RABGAP1: variants seen among roughly 807,000 people sequenced by gnomAD.
RABGAP1 encodes rab GTPase-activating protein 1.
In RABGAP1, 23 loss-of-function variants were observed where a neutral mutation model predicts 137.6. The observed-to-expected ratio is 0.17, with a 90% confidence interval of 0.12 to 0.24. RABGAP1 has a LOEUF of 0.24. RABGAP1 is among the 10% of genes least tolerant of loss of function. The probability of loss-of-function intolerance (pLI) is 1.00; values close to 1 mark genes in which losing one functional copy is unlikely to be tolerated. For missense variants in RABGAP1, 906 were observed against 1,275.8 expected (o/e 0.71, Z 4.42); for synonymous variants, 451 against 450.7 (o/e 1.00, Z -0.01).
intron 19 of RABGAP1, among the ~76,000 whole-genome samples, chr9:123,079,523 G>A (rs2034642241): frequency 6.6e-6 from 1 of 152,024 alleles, no homozygotes; most frequent in Non-Finnish European, 1.5e-5. Flanking sequence ...ACAGGTGTGA[G>A]CCACCACACC....
At chr9:122,998,132 C>T (rs1259469552) in intron 9 of RABGAP1, among the ~76,000 whole-genome samples, 1 of 151,920 alleles carries the variant, frequency 6.6e-6, no homozygotes, top group East Asian at 1.9e-4. Context: ...CAGAGTCTTA[C>T]TCTGTCATCC....
chr9:123,035,396 C>T lies in RABGAP1; in HGVS notation c.1794+14937C>T, dbSNP rs746359372. The T allele has an allele frequency of 1.9e-6, 3 of 1,614,002 alleles. No homozygotes were observed. The African/African-American group carries it at 4.0e-5, about 22-fold the overall frequency. On this transcript the variant is annotated intron_variant, in intron 13 of 25. Coordinates refer to ENST00000373647, the MANE Select transcript of RABGAP1 (RefSeq NM_012197.4). ...ATCATCTACTTCTTGTTGGAAAGCT[C>T]CACTGGCCACAGCAACCGCTTCGCA...
chr9:123,013,155 T>C (rs188938218), intron 11 of RABGAP1, among the ~76,000 whole-genome samples: 126 of 152,318 alleles, frequency 8.3e-4, no homozygotes, highest in African/African-American at 2.8e-3. Context: ...TTCTAATATT[T>C]TTGAAGAAAT....
chr9:123,005,302 T>C (rs1183011306), intron 10 of RABGAP1, among the ~76,000 whole-genome samples: 1 of 147,114 alleles, frequency 6.8e-6, no homozygotes, highest in African/African-American at 2.6e-5. Flanking sequence ...TTTTTTTTCC[T>C]TTTTTTTTTG....
At chr9:122,957,622 T>A (rs907944505) in intron 2 of RABGAP1, among the ~76,000 whole-genome samples, 2 of 152,168 alleles carry the variant, frequency 1.3e-5, no homozygotes, top group African/African-American at 4.8e-5. Context: ...TTTTTTTTTT[T>A]ATAATTTCTC....
chr9:122,996,278 T>G (rs1472295290), intron 7 of RABGAP1, 127 bp downstream of exon 7: 12 of 1,412,482 alleles, frequency 8.5e-6, no homozygotes, highest in African/African-American at 1.5e-5. Flanking sequence ...TTATTTTGTT[T>G]ACTGAAGTCA....
intron 13 of RABGAP1, among the ~76,000 whole-genome samples, chr9:123,022,358 G>T (rs1024250582): frequency 2.6e-5 from 4 of 152,108 alleles, no homozygotes; most frequent in African/African-American, 7.2e-5. Context: ...TGATTGATTT[G>T]TATATACTGG....
Position 123,020,360 on chromosome 9 carries a change from C to T in RABGAP1, c.1695C>T (p.Asn565=), listed in dbSNP as rs772050666. ...RPKQLSSLVR[N]GVPEALRGEV... Reference sequence around the variant, plus strand: ...AGCAGTTGTCATCCTTAGTAAGAAACGGTGTCCCTGAAGCTCTTCGAGGAG... The same window carrying T: ...AGCAGTTGTCATCCTTAGTAAGAAATGGTGTCCCTGAAGCTCTTCGAGGAG... The change falls in exon 13 of 26, where the codon AAC becomes AAT. Residue 565 remains asparagine (N), a synonymous_variant. Coordinates refer to ENST00000373647, the MANE Select transcript of RABGAP1 (RefSeq NM_012197.4). The T allele has an allele frequency of 4.8e-5, 77 of 1,601,124 alleles. No homozygotes were observed. The highest frequency in any genetic ancestry group is 1.0e-4 in the Admixed American group (6 of 58,648).
rs202090815 is a variant in RABGAP1 at position 122,945,147 on chromosome 9, C to CTTTTTTTTTTTTTTTTTTTTTTTTTT, written c.-50+4070_-50+4071insTTTTTTTTTTTTTTTTTTTTTTTTTT. ...CACCATGTATACATCATAGCTGTTGCTTTTTTTTTTTTTTTTAGCATAAAC... is the reference window on the plus strand; with the variant it reads ...CACCATGTATACATCATAGCTGTTGCTTTTTTTTTTTTTTTTTTTTTTTTTTTTTTTTTTTTTTTTTTAGCATAAAC... On this transcript the variant is annotated intron_variant, in intron 1 of 25. Coordinates refer to ENST00000373647, the MANE Select transcript of RABGAP1 (RefSeq NM_012197.4). Among the ~76,000 whole-genome samples the CTTTTTTTTTTTTTTTTTTTTTTTTTT allele has an allele frequency of 3.4e-3, 260 of 75,782 alleles. 94 individuals are homozygous for CTTTTTTTTTTTTTTTTTTTTTTTTTT. Among genetic ancestry groups the CTTTTTTTTTTTTTTTTTTTTTTTTTT allele is most frequent in the Non-Finnish European group, 5.4e-3 (189 of 34,980 alleles). 49.7% of individuals were successfully genotyped at this position (75,782 alleles called of 152,430 possible). A position where few individuals can be genotyped will look rare whatever the true frequency, so the allele number is the denominator to read the frequency against.
Position 123,099,547 on chromosome 9 carries a change from C to T in RABGAP1, c.2887C>T (p.Arg963Trp), listed in dbSNP as rs199744049. The change falls in exon 24 of 26, where the codon CGG (arginine) becomes TGG (tryptophan). Residue 963 changes from arginine (R) to tryptophan (W), a missense_variant and splice_region_variant. Physicochemically the swap from Arg to Trp is moderately radical, Grantham distance 101 (BLOSUM62 -3). Coordinates refer to ENST00000373647, the MANE Select transcript of RABGAP1 (RefSeq NM_012197.4). Reference sequence around the variant, plus strand: ...CAATAAGGTGGAAATTGAGAAAATTCGGGTAAGACTTCTCTTTACCTAAAA... The same window carrying T: ...CAATAAGGTGGAAATTGAGAAAATTTGGGTAAGACTTCTCTTTACCTAAAA... ...TANKVEIEKI[R>W]QKVDDCERCR... 6.9e-6 allele frequency: 11 copies of T among 1,605,084 alleles called. No individual in the cohort carries two copies. The highest frequency in any genetic ancestry group is 3.4e-4 in the Middle Eastern group (2 of 5,970).
chr9:123,035,304 T>C, intron 13 of RABGAP1: 1 of 1,614,210 alleles, frequency 6.2e-7, no homozygotes, highest in Non-Finnish European at 8.5e-7. Context: ...AGGCCTGTCC[T>C]GATAAGCGCT....
intron 14 of RABGAP1, among the ~76,000 whole-genome samples, chr9:123,069,770 G>T (rs900117816): frequency 6.6e-6 from 1 of 152,022 alleles, no homozygotes; most frequent in African/African-American, 2.4e-5. Context: ...TGTGGTCCAG[G>T]CTACTCAGGA....
At chr9:122,964,867 T>C (rs1027233271) in intron 2 of RABGAP1, among the ~76,000 whole-genome samples, 1 of 152,144 alleles carries the variant, frequency 6.6e-6, no homozygotes, top group Non-Finnish European at 1.5e-5. Flanking sequence ...TGTGGTGGCA[T>C]GCTCTTGTAG....
In RABGAP1 at chr9:122,990,806, T is replaced by A. The variant is rs867710913; in HGVS notation, c.923+593T>A. 516 of 83,324 alleles carry A rather than the reference T, an allele frequency of 6.2e-3. 6 individuals are homozygous for A. In the East Asian group the frequency reaches 0.069, roughly 11 times the overall value. 5.2% of individuals were successfully genotyped at this position (83,324 alleles called of 1,614,324 possible). A position where few individuals can be genotyped will look rare whatever the true frequency, so the allele number is the denominator to read the frequency against. On this transcript the variant is annotated intron_variant, in intron 6 of 25. Transcript: ENST00000373647. ...AAAAAAAAAAAAAAAAATATATATA[T>A]ATATATATATATATATATATATATA...
chr9:122,932,525 CTTCT>C, the RABGAP1 span, among the ~76,000 whole-genome samples: 2 of 151,096 alleles, frequency 1.3e-5, no homozygotes, highest in Admixed American at 6.6e-5. Flanking sequence ...TTGATTTCTT[CTTCT>C]TTTTTTTTCT....
chr9:122,953,252 C>A (rs569388126), intron 1 of RABGAP1, among the ~76,000 whole-genome samples: 1 of 151,984 alleles, frequency 6.6e-6, no homozygotes, highest in Non-Finnish European at 1.5e-5. Context: ...AACTATTGGG[C>A]GCTTATAATG....
intron 21 of RABGAP1, among the ~76,000 whole-genome samples, chr9:123,094,676 G>T (rs1327355817): frequency 2.0e-5 from 3 of 152,158 alleles, no homozygotes; most frequent in African/African-American, 7.2e-5. Context: ...GAAGTGAGAA[G>T]TGTTCCCTCT....
chr9:122,957,108 G>A lies in RABGAP1; in HGVS notation c.49G>A (p.Val17Ile). The A allele has an allele frequency of 1.3e-6, 2 of 1,563,050 alleles. No homozygotes were observed. The highest frequency in any genetic ancestry group is 1.3e-5 in the African/African-American group (1 of 74,608). ...VGKISVSSDSVSTLNSEDFVL... is the reference protein window; with the variant it reads ...VGKISVSSDSISTLNSEDFVL... The stretch of plus-strand genomic sequence containing the variant: ...AAAAATCAGTGTCTCTTCAGACTCA[G>A]TATCTACTCTTAATAGTGAAGATTT... The change falls in exon 2 of 26, where the codon GTA becomes ATA. Residue 17 changes from valine (V) to isoleucine (I), a missense_variant. This residue lies in a region of RABGAP1 where 331 missense variants were observed against 358.3 expected (regional missense o/e 0.92). Transcript: ENST00000373647.
chr9:122,999,417 C>G (rs1385663156), intron 10 of RABGAP1, among the ~76,000 whole-genome samples: 2 of 151,984 alleles, frequency 1.3e-5, no homozygotes, highest in East Asian at 3.8e-4. Context: ...TCTCGGACTC[C>G]TCACCTCAGG....
Sources: allele counts gnomAD v4.1 joint callset (sites outside exome capture counted in the v4.1 genomes callset), GRCh38; gene constraint gnomAD v4.1.1; regional missense constraint gnomAD v4.1.1; transcripts MANE v1.5; gene names NCBI Gene and HGNC (gene_info 2026-07-23, HGNC 2026-07-21).